The following TNFRSF10D variants were observed in gnomAD, a reference collection of about 807,000 sequenced individuals.
TNFRSF10D encodes tumor necrosis factor receptor superfamily member 10D.
TNFRSF10D carries 28 observed loss-of-function variants against 42.1 expected under a neutral mutation model. The observed-to-expected ratio is 0.66, with a 90% CI of 0.49 to 0.91. The LOEUF (loss-of-function observed/expected upper bound fraction) is 0.91, where lower values mean the gene tolerates loss of function less well. Ranked by LOEUF, TNFRSF10D falls within the 40% of genes least tolerant of loss-of-function variation. The pLI, the probability that TNFRSF10D is intolerant of heterozygous loss-of-function variation, is 0.00. For synonymous variants in TNFRSF10D, 186 were observed against 189.4 expected, an observed-to-expected ratio of 0.98 and a Z score of 0.15; for missense variants, 503 against 486.1, an observed-to-expected ratio of 1.03 and a Z score of -0.33.
intron 1 of TNFRSF10D, among the ~76,000 whole-genome samples, chr8:23,162,126 A>G (rs1282790131): frequency 6.6e-6 from 1 of 152,278 alleles, no homozygotes; most frequent in African/African-American, 2.4e-5. Flanking sequence ...ATGTACTGCC[A>G]TAAAACATCT....
In TNFRSF10D at chr8:23,137,523, T is replaced by C. The variant is rs1427993425; in HGVS notation, c.*347A>G. On this transcript the variant is annotated 3_prime_UTR_variant, in exon 9 of 9. Transcript: ENST00000312584. ...TTTCACTGTGTTGATGAGGCTGGTC[T>C]CAAACTCCCGAGCTCAAGCAATCCA... 755 of 178,054 alleles carry C rather than the reference T, an allele frequency of 4.2e-3. No homozygotes were observed. The highest frequency in any genetic ancestry group is 0.017 in the African/African-American group (704 of 42,206). 11.0% of individuals were successfully genotyped at this position (178,054 alleles called of 1,614,324 possible).
At chr8:23,153,692 A>T (rs1394562066) in intron 2 of TNFRSF10D, among the ~76,000 whole-genome samples, 1 of 152,234 alleles carries the variant, frequency 6.6e-6, no homozygotes, top group African/African-American at 2.4e-5. Context: ...ACCTGTAAAA[A>T]TGGCTATTAC....
At chr8:23,151,841 A>T (rs766186759) in intron 2 of TNFRSF10D, among the ~76,000 whole-genome samples, 19 of 152,236 alleles carry the variant, frequency 1.2e-4, no homozygotes, top group Non-Finnish European at 1.9e-4. Context: ...AAATTTAACC[A>T]AGGTGGTGGC....
intron 1 of TNFRSF10D, among the ~76,000 whole-genome samples, chr8:23,158,758 C>T (rs1353208153): frequency 6.6e-6 from 1 of 152,158 alleles, no homozygotes; most frequent in Non-Finnish European, 1.5e-5. Flanking sequence ...ATACAGTATA[C>T]ACTCAAGTGC....
chr8:23,137,777 A>T lies in TNFRSF10D; in HGVS notation c.*93T>A. 6.7e-7 allele frequency: 1 copy of T among 1,499,654 alleles called. No individual in the cohort carries two copies. Among genetic ancestry groups the T allele is most frequent in the Non-Finnish European group, 8.9e-7 (1 of 1,119,544 alleles). The allele number at this position is 1,499,654 out of a possible 1,614,324, so 92.9% of individuals were successfully genotyped here. ...ATTGGATAGTAGAGTTTGTTGGGGC[A>T]TGGGTCAAGTACTGGACTGTTTCTT... is the stretch of plus-strand genomic sequence containing the variant. On this transcript the variant is annotated 3_prime_UTR_variant, in exon 9 of 9. Coordinates refer to ENST00000312584, the MANE Select transcript of TNFRSF10D (RefSeq NM_003840.5).
At chr8:23,162,366 C>T (rs114366534) in intron 1 of TNFRSF10D, among the ~76,000 whole-genome samples, 720 of 151,786 alleles carry the variant, frequency 4.7e-3, no homozygotes, top group African/African-American at 0.015. Context: ...TCAGGTAGGT[C>T]CACCCACTAT....
At chr8:23,149,718 A>G (rs1262539607) in intron 2 of TNFRSF10D, among the ~76,000 whole-genome samples, 1 of 151,986 alleles carries the variant, frequency 6.6e-6, no homozygotes, top group East Asian at 1.9e-4. Context: ...ATTCCTAGGG[A>G]GGCTGCTCAG....
In TNFRSF10D at chr8:23,136,947, G is replaced by A. The variant is rs976300577; in HGVS notation, c.*923C>T. 4 of 152,070 alleles carry A rather than the reference G, an allele frequency of 2.6e-5. No individual in the cohort carries two copies. The highest frequency in any genetic ancestry group is 9.7e-5 in the African/African-American group (4 of 41,410). The allele number at this position is 152,070 out of a possible 1,614,324, so 9.4% of individuals were successfully genotyped here. Reference sequence around the variant, plus strand: ...GAATGCAGTAAGTGCCTCCCACAGAGGGAGGATTTCTCCCTCCGTCACTAG... The same window carrying A: ...GAATGCAGTAAGTGCCTCCCACAGAAGGAGGATTTCTCCCTCCGTCACTAG... On this transcript the variant is annotated 3_prime_UTR_variant, in exon 9 of 9. Transcript: ENST00000312584.
intron 7 of TNFRSF10D, among the ~76,000 whole-genome samples, chr8:23,140,099 C>T (rs1585257105): frequency 6.6e-6 from 1 of 152,162 alleles, no homozygotes; most frequent in Non-Finnish European, 1.5e-5. Context: ...ACCATCCTGG[C>T]TAACACGGTG....
rs1800412103 is a variant in TNFRSF10D at position 23,163,871 on chromosome 8, G to T, written c.65C>A (p.Ala22Asp). ...TGGTCTGGTTCCCGACGCTGTCCTG[G>T]CTCCTGGATAGCGCCCTGCTCGAGC... ...SSARAGRYPG[A>D]RTASGTRPWL... Residue 22 changes from alanine to aspartate, a missense_variant, in exon 1 of 9, where the codon GCC (alanine) becomes GAC (aspartate). By Grantham distance (126) the Ala-to-Asp change is moderately radical. Transcript: ENST00000312584. 2.5e-6 allele frequency: 4 copies of T among 1,602,428 alleles called. No homozygotes were observed. In the South Asian group the frequency reaches 4.5e-5, roughly 18 times the overall value.
In TNFRSF10D at chr8:23,138,105, C is replaced by T. The variant is rs552531045; in HGVS notation, c.1027+83G>A. On this transcript the variant is annotated intron_variant, in intron 8 of 8. Coordinates refer to ENST00000312584, the MANE Select transcript of TNFRSF10D (RefSeq NM_003840.5). The stretch of plus-strand genomic sequence containing the variant: ...TCCAGCAGTGAAACCTCCAGAAGAG[C>T]CCTCTCAGCTATAGGGACAGCAGTT... 1.6e-3 allele frequency: 2,583 copies of T among 1,608,820 alleles called. No homozygotes were observed. The African/African-American group carries it at 0.019, about 12-fold the overall frequency.
At chr8:23,144,917 A>G in intron 6 of TNFRSF10D, 141 bp downstream of exon 6, 1 of 1,302,522 alleles carries the variant, frequency 7.7e-7, no homozygotes, top group Admixed American at 1.8e-5. Flanking sequence ...TGTCCCCCAC[A>G]GTCAGCCCAG....
rs751041018 is a variant in TNFRSF10D at position 23,145,816 on chromosome 8, C to T, written c.588G>A (p.Glu196=). Residue 196 remains glutamate (E), a synonymous_variant, in exon 5 of 9, where the codon GAG becomes GAA. Transcript: ENST00000312584. ...TCCCCAGGATGGTGGTCACTGTCTC[C>T]TCCGCTGCTGGGGTTTTCCCAGTGG... ...ASSTGKTPAA[E]ETVTTILGML... 9 of 1,614,054 alleles carry T rather than the reference C, an allele frequency of 5.6e-6. No homozygotes were observed. In the Admixed American group the frequency reaches 8.3e-5, roughly 15 times the overall value.
At position 23,154,986 on chromosome 8, in the gene TNFRSF10D, G is replaced by A. The variant is rs1197128151; in HGVS notation, c.151-7C>T. On this transcript the variant is annotated splice_region_variant and splice_polypyrimidine_tract_variant and intron_variant, in intron 1 of 8. Transcript: ENST00000312584. ...TGGCAGAGTCAACCCGGACCTGTGG[G>A]GACAAGGCAGAGATGGGCTTGAGTG... 2.5e-6 allele frequency: 4 copies of A among 1,602,738 alleles called. No homozygotes were observed. Among genetic ancestry groups the A allele is most frequent in the Admixed American group, 1.7e-5 (1 of 58,680 alleles).
chr8:23,151,973 C>A (rs191746653), intron 2 of TNFRSF10D, among the ~76,000 whole-genome samples: 2 of 152,016 alleles, frequency 1.3e-5, no homozygotes, highest in Non-Finnish European at 2.9e-5. Flanking sequence ...TTATTTGTCC[C>A]GGTGGACTGT....
intron 7 of TNFRSF10D, among the ~76,000 whole-genome samples, chr8:23,141,348 T>C (rs934941497): frequency 6.6e-6 from 1 of 151,574 alleles, no homozygotes; most frequent in Non-Finnish European, 1.5e-5. Context: ...CTACTAAAAA[T>C]ACAAAAATTA....
At chr8:23,163,088 A>ACT (rs199711288) in intron 1 of TNFRSF10D, among the ~76,000 whole-genome samples, 1,917 of 89,696 alleles carry the variant, frequency 0.021, 201 homozygotes, top group Admixed American at 0.1. Flanking sequence ...CGCCTGGCTA[A>ACT]CTTTTTTTTT....
rs1352707164 is a variant in TNFRSF10D, at chr8:23,137,273, C to T, written c.*597G>A. On this transcript the variant is annotated 3_prime_UTR_variant, in exon 9 of 9. Transcript: ENST00000312584. Reference sequence around the variant, plus strand: ...ATCATTAAGTCAAAAATATCCGAAACTGAAAATACAGGTAATAACAAGATA... The same window carrying T: ...ATCATTAAGTCAAAAATATCCGAAATTGAAAATACAGGTAATAACAAGATA... 4 of 152,184 alleles carry T rather than the reference C, an allele frequency of 2.6e-5. No individual in the cohort carries two copies. In the East Asian group the frequency reaches 7.7e-4, roughly 29 times the overall value. The allele number at this position is 152,184 out of a possible 1,614,324, so 9.4% of individuals were successfully genotyped here.
rs535092168 is a variant in TNFRSF10D at position 23,144,364 on chromosome 8, A to G, written c.954+86T>C. Reference sequence around the variant, plus strand: ...AGGCTCCATGTCCCCTTGGGCCAGGAAAGAGGAGGCACTGCCATGTCCCAC... The same window carrying G: ...AGGCTCCATGTCCCCTTGGGCCAGGGAAGAGGAGGCACTGCCATGTCCCAC... On this transcript the variant is annotated intron_variant, in intron 7 of 8. Coordinates refer to ENST00000312584, the MANE Select transcript of TNFRSF10D (RefSeq NM_003840.5). The G allele has an allele frequency of 4.1e-6, 6 of 1,476,722 alleles. No individual in the cohort carries two copies. The East Asian group carries it at 1.1e-4, about 28-fold the overall frequency. 91.5% of individuals were successfully genotyped at this position (1,476,722 alleles called of 1,614,324 possible).
Sources: allele counts gnomAD v4.1 joint callset (sites outside exome capture counted in the v4.1 genomes callset), GRCh38; gene constraint gnomAD v4.1.1; transcripts MANE v1.5; gene names NCBI Gene and HGNC (gene_info 2026-07-23, HGNC 2026-07-21).